PKP4: variants seen among roughly 807,000 people sequenced by gnomAD.
PKP4 encodes the protein plakophilin-4.
PKP4 carries 90 observed loss-of-function variants against 145.1 expected under a neutral mutation model. The observed-to-expected ratio is 0.62, with a 90% CI of 0.52 to 0.74. The LOEUF is 0.74. PKP4 is among the 30% of genes least tolerant of loss of function. PKP4 has a pLI of 0.00. For missense variants in PKP4, 1,340 were observed against 1,482.7 expected (o/e 0.90, Z 1.58); for synonymous variants, 563 against 577.2 (o/e 0.98, Z 0.35).
At chr2:158,520,825 A>G (rs905665734) in intron 1 of PKP4, among the ~76,000 whole-genome samples, 2 of 152,188 alleles carry the variant, frequency 1.3e-5, no homozygotes, top group Non-Finnish European at 2.9e-5. Context: ...AAGTTTACAT[A>G]AATGGAATCC....
At position 158,521,945 on chromosome 2, in the gene PKP4, C is replaced by T. The variant is rs533465657; in HGVS notation, c.-5-11235C>T. On this transcript the variant is annotated intron_variant, in intron 1 of 21. Transcript: ENST00000389759. ...ATTTTGAATCAAATTTAAATATTCA[C>T]GCTTTCTTTAACCTTTATTTTTTAT... 1.1e-4 allele frequency among the ~76,000 whole-genome samples: 16 copies of T among 152,184 alleles called. No individual in the cohort carries two copies. The East Asian group carries it at 2.5e-3, about 24-fold the overall frequency.
In PKP4 at chr2:158,511,326, C is replaced by T. The variant is rs192620724; in HGVS notation, c.-5-21854C>T. Reference sequence around the variant, plus strand: ...ACTTGAACCCAGGAGGCGGAGGTTGCAGTGAGCCAAGATTGCGCCACTGTA... The same window carrying T: ...ACTTGAACCCAGGAGGCGGAGGTTGTAGTGAGCCAAGATTGCGCCACTGTA... On this transcript the variant is annotated intron_variant, in intron 1 of 21. Coordinates refer to ENST00000389759, the MANE Select transcript of PKP4 (RefSeq NM_003628.6). 1.7e-3 allele frequency among the ~76,000 whole-genome samples: 254 copies of T among 152,090 alleles called. 1 individual carries two copies. Among genetic ancestry groups the T allele is most frequent in the African/African-American group, 5.8e-3 (239 of 41,496 alleles).
chr2:158,534,879 C>T (rs2043898637), intron 2 of PKP4, among the ~76,000 whole-genome samples: 1 of 152,112 alleles, frequency 6.6e-6, no homozygotes, highest in Non-Finnish European at 1.5e-5. Flanking sequence ...AAGAGTTCAG[C>T]TTCTCAAGGC....
chr2:158,467,891 T>C (rs1166476610), intron 1 of PKP4, among the ~76,000 whole-genome samples: 1 of 152,144 alleles, frequency 6.6e-6, no homozygotes, highest in East Asian at 1.9e-4. Context: ...AATAGATTTA[T>C]AAAGTATGTG....
At chr2:158,640,236 C>T (rs2054158031) in intron 9 of PKP4, among the ~76,000 whole-genome samples, 1 of 152,226 alleles carries the variant, frequency 6.6e-6, no homozygotes, top group Non-Finnish European at 1.5e-5. Context: ...CCAGCCCTTC[C>T]TCTCCCTTCA....
intron 8 of PKP4, among the ~76,000 whole-genome samples, chr2:158,633,629 T>A (rs562050621): frequency 1.8e-4 from 28 of 152,252 alleles, no homozygotes; most frequent in Non-Finnish European, 4.0e-4. Context: ...AAGATAAGGA[T>A]GGACTACTGT....
At chr2:158,635,026 T>C (rs1430821631) in intron 9 of PKP4, among the ~76,000 whole-genome samples, 1 of 105,628 alleles carries the variant, frequency 9.5e-6, no homozygotes, top group African/African-American at 3.7e-5. Flanking sequence ...TCTGAAAGAG[T>C]GAAATTGTTG....
chr2:158,513,386 G>A (rs564280727), intron 1 of PKP4, among the ~76,000 whole-genome samples: 1 of 152,146 alleles, frequency 6.6e-6, no homozygotes, highest in Admixed American at 6.5e-5. Context: ...GGCAATACCC[G>A]AGTACATCTT....
rs765172961 is a variant in PKP4, at chr2:158,666,420, C to G, written c.2585C>G (p.Ala862Gly). ...NLSAGNWKFA[A>G]YIRAAVRKEK... ...CCTTATTTTTCTCACTAGTTTGCAG[C>G]ATATATCCGGGCGGCCGTCCGAAAA... The change falls in exon 16 of 22, where the codon GCA becomes GGA. Residue 862 changes from alanine to glycine, a missense_variant. Coordinates refer to ENST00000389759, the MANE Select transcript of PKP4 (RefSeq NM_003628.6). 1.2e-6 allele frequency: 2 copies of G among 1,602,670 alleles called. No individual in the cohort carries two copies. The highest frequency in any genetic ancestry group is 1.7e-6 in the Non-Finnish European group (2 of 1,176,004).
chr2:158,459,892 C>G (rs554628212), intron 1 of PKP4, among the ~76,000 whole-genome samples: 11 of 152,242 alleles, frequency 7.2e-5, no homozygotes, highest in Non-Finnish European at 1.3e-4. Context: ...GAAATGCTTT[C>G]TATTTGTTAC....
At chr2:158,486,410 G>A (rs1333880166) in intron 1 of PKP4, among the ~76,000 whole-genome samples, 5 of 152,166 alleles carry the variant, frequency 3.3e-5, no homozygotes, top group East Asian at 1.9e-4. Flanking sequence ...TTGGGAAAAC[G>A]TATAGTTTGG....
chr2:158,520,430 C>A (rs2042274993), intron 1 of PKP4, among the ~76,000 whole-genome samples: 1 of 152,118 alleles, frequency 6.6e-6, no homozygotes, highest in African/African-American at 2.4e-5. Context: ...TAGTTTAATT[C>A]TATTAAAAGT....
intron 2 of PKP4, among the ~76,000 whole-genome samples, chr2:158,541,433 A>G (rs1039908959): frequency 2.0e-5 from 3 of 152,150 alleles, no homozygotes; most frequent in African/African-American, 7.2e-5. Context: ...TCAGTAGTTC[A>G]AAGACAAATC....
intron 1 of PKP4, among the ~76,000 whole-genome samples, chr2:158,521,993 A>G (rs2042421860): frequency 6.6e-6 from 1 of 152,156 alleles, no homozygotes; most frequent in Non-Finnish European, 1.5e-5. Context: ...AGGCATCATT[A>G]TTTTGTCATA....
At chr2:158,604,486 T>A (rs1476543475) in intron 4 of PKP4, among the ~76,000 whole-genome samples, 1 of 152,028 alleles carries the variant, frequency 6.6e-6, no homozygotes, top group Non-Finnish European at 1.5e-5. Flanking sequence ...GGAGGAAAAA[T>A]TAGTGACAAG....
At chr2:158,545,261 C>G (rs2044899652) in intron 2 of PKP4, among the ~76,000 whole-genome samples, 1 of 151,984 alleles carries the variant, frequency 6.6e-6, no homozygotes, top group South Asian at 2.1e-4. Flanking sequence ...CAAAGGTTTC[C>G]TTTTCCTGTT....
chr2:158,485,860 TG>T (rs1282138155), intron 1 of PKP4, among the ~76,000 whole-genome samples: 1 of 152,210 alleles, frequency 6.6e-6, no homozygotes, highest in East Asian at 1.9e-4. Context: ...CCATCCTTAA[TG>T]TCAATAATTA....
chr2:158,586,950 A>T (rs1460635379), intron 3 of PKP4, among the ~76,000 whole-genome samples: 1 of 152,236 alleles, frequency 6.6e-6, no homozygotes, highest in Non-Finnish European at 1.5e-5. Context: ...AACGTATTTT[A>T]AGCTAAAAAT....
Position 158,603,114 on chromosome 2 carries a change from T to C in PKP4, c.280+10T>C. 1 of 1,434,274 alleles carries C rather than the reference T, an allele frequency of 7.0e-7. No homozygotes were observed. The highest frequency in any genetic ancestry group is 9.5e-7 in the Non-Finnish European group (1 of 1,048,138). The allele number at this position is 1,434,274 out of a possible 1,614,324, so 88.8% of individuals were successfully genotyped here. A position where few individuals can be genotyped will look rare whatever the true frequency, so the allele number is the denominator to read the frequency against. ...CCTTGGAGATCAACAGGTATGTTTT[T>C]TATTATATAAAAGTTATGTTTGATA... On this transcript the variant is annotated intron_variant, in intron 4 of 21. Coordinates refer to ENST00000389759, the MANE Select transcript of PKP4 (RefSeq NM_003628.6).
Sources: allele counts gnomAD v4.1 joint callset (sites outside exome capture counted in the v4.1 genomes callset), GRCh38; gene constraint gnomAD v4.1.1; transcripts MANE v1.5; gene names NCBI Gene and HGNC (gene_info 2026-07-23, HGNC 2026-07-21).